TULP3: variants seen among roughly 807,000 people sequenced by gnomAD.
TULP3 encodes the protein TUB like protein 3, also known as tubby-related protein 3.
Under a neutral mutation model 50.7 loss-of-function variants are expected in TULP3, and 38 were observed. That is an observed-to-expected ratio of 0.75 (90% CI 0.58 to 0.98). The LOEUF (loss-of-function observed/expected upper bound fraction) is 0.98. Ranked by LOEUF, TULP3 falls within the 50% of genes least tolerant of loss-of-function variation. The probability of loss-of-function intolerance (pLI) is 0.00; values close to 1 mark genes in which losing one functional copy is unlikely to be tolerated. For synonymous variants in TULP3, 183 were observed against 196.6 expected, an observed-to-expected ratio of 0.93 and a Z score of 0.58; for missense variants, 550 against 568.0, an observed-to-expected ratio of 0.97 and a Z score of 0.32.
intron 4 of TULP3, 143 bp from the exon 5 acceptor site, chr12:2,930,105 G>GT (rs1399441301): frequency 3.2e-5 from 19 of 603,116 alleles, no homozygotes. Context: ...GAATTTGCCT[G>GT]TTTTATGTAT....
intron 2 of TULP3, among the ~76,000 whole-genome samples, chr12:2,913,497 C>G (rs577627617): frequency 1.3e-5 from 2 of 152,090 alleles, no homozygotes; most frequent in Non-Finnish European, 2.9e-5. Flanking sequence ...CTTGTGACTT[C>G]AAGTGATCCT....
chr12:2,926,536 C>CAA (rs1429390312), intron 4 of TULP3, among the ~76,000 whole-genome samples: 30 of 152,134 alleles, frequency 2.0e-4, no homozygotes, highest in Non-Finnish European at 2.9e-5. Flanking sequence ...GTGTCCTTTG[C>CAA]AAAGCAAATA....
intron 2 of TULP3, among the ~76,000 whole-genome samples, chr12:2,914,773 G>C (rs1591529440): frequency 6.6e-6 from 1 of 150,874 alleles, no homozygotes; most frequent in South Asian, 2.1e-4. Flanking sequence ...GCTGGGATTA[G>C]AGGAGTGCAC....
At position 2,940,278 on chromosome 12, in the gene TULP3, G is replaced by A. The variant is rs1017755066; in HGVS notation, c.*834G>A. On this transcript the variant is annotated 3_prime_UTR_variant, in exon 11 of 11. Coordinates refer to ENST00000448120, the MANE Select transcript of TULP3 (RefSeq NM_003324.5). The stretch of plus-strand genomic sequence containing the variant: ...TGTAGGCATCCTGTGCAAACACTTT[G>A]TCATTATCAAGAGAGATGGCAGTAT... 2 of 1,409,592 alleles carry A rather than the reference G, an allele frequency of 1.4e-6. No individual in the cohort carries two copies. The highest frequency in any genetic ancestry group is 1.5e-5 in the African/African-American group (1 of 68,696). 87.3% of individuals were successfully genotyped at this position (1,409,592 alleles called of 1,614,324 possible).
chr12:2,940,750 G>A lies in TULP3; in HGVS notation c.*1306G>A. The A allele has an allele frequency of 6.5e-7, 1 of 1,537,142 alleles. No individual in the cohort carries two copies. The highest frequency in any genetic ancestry group is 2.0e-5 in the Admixed American group (1 of 50,000). On this transcript the variant is annotated 3_prime_UTR_variant, in exon 11 of 11. Coordinates refer to ENST00000448120, the MANE Select transcript of TULP3 (RefSeq NM_003324.5). ...GAAGGAGGGCCAACTGGCAGCTGCG[G>A]GACCCTTGGCTTGTCCCCCACCGAC... is the stretch of plus-strand genomic sequence containing the variant.
intron 8 of TULP3, among the ~76,000 whole-genome samples, chr12:2,937,055 G>A (rs1197771953): frequency 6.6e-6 from 1 of 151,208 alleles, no homozygotes; most frequent in African/African-American, 2.4e-5. Context: ...GCAGTGAGCT[G>A]AGATTGTGCC....
At chr12:2,929,274 G>A (rs1378596660) in intron 4 of TULP3, among the ~76,000 whole-genome samples, 3 of 151,808 alleles carry the variant, frequency 2.0e-5, no homozygotes, top group Non-Finnish European at 4.4e-5. Context: ...TCGAGATCGC[G>A]CCACTGCGCT....
At chr12:2,899,161 C>T (rs551772867) in intron 1 of TULP3, among the ~76,000 whole-genome samples, 40 of 151,862 alleles carry the variant, frequency 2.6e-4, no homozygotes, top group Middle Eastern at 3.2e-3. Flanking sequence ...GCCTGACCAA[C>T]ATGGAGAAAC....
chr12:2,904,687 G>T (rs761437044), intron 1 of TULP3, among the ~76,000 whole-genome samples: 1 of 152,112 alleles, frequency 6.6e-6, no homozygotes, highest in East Asian at 1.9e-4. Context: ...AGAGGAAAAA[G>T]AATTACTCCA....
chr12:2,904,024 C>T (rs796310258), intron 1 of TULP3, among the ~76,000 whole-genome samples: 98 of 152,196 alleles, frequency 6.4e-4, no homozygotes, highest in African/African-American at 2.2e-3. Context: ...CCTCGTGATC[C>T]GCCCGCCTTG....
At chr12:2,929,135 G>A (rs910476276) in intron 4 of TULP3, among the ~76,000 whole-genome samples, 11 of 151,750 alleles carry the variant, frequency 7.2e-5, no homozygotes, top group African/African-American at 2.7e-4. Flanking sequence ...TGGCTGACAC[G>A]GTGAAACCCC....
chr12:2,909,874 A>G (rs1401897639), intron 2 of TULP3, among the ~76,000 whole-genome samples: 3 of 152,164 alleles, frequency 2.0e-5, no homozygotes, highest in Non-Finnish European at 4.4e-5. Flanking sequence ...TTAACATTGT[A>G]TTTCTGTGTA....
chr12:2,933,655 A>T, intron 7 of TULP3, 125 bp downstream of exon 7: 1 of 548,048 alleles, frequency 1.8e-6, no homozygotes, highest in Non-Finnish European at 3.0e-6. Context: ...AAAAAGAAAA[A>T]GGAAAAAAAA....
At chr12:2,892,073 CTGTCACCTT>C (rs1017857032) in intron 1 of TULP3, among the ~76,000 whole-genome samples, 1 of 125,652 alleles carries the variant, frequency 8.0e-6, no homozygotes, top group African/African-American at 3.3e-5. Context: ...CAGTGACATC[CTGTCACCTT>C]AAAAAAAAAA....
At chr12:2,930,670 G>A (rs940639818) in intron 5 of TULP3, among the ~76,000 whole-genome samples, 17 of 151,872 alleles carry the variant, frequency 1.1e-4, no homozygotes, top group South Asian at 2.1e-4. Flanking sequence ...TGATCCGCCC[G>A]CCTCAGCCTC....
At position 2,938,495 on chromosome 12, in the gene TULP3, A is replaced by G. The variant is rs2098202844; in HGVS notation, c.1195+210A>G. On this transcript the variant is annotated intron_variant, in intron 10 of 10. Transcript: ENST00000448120. ...GGGAGAGGAGTGTGAGAGAGATGCTATAGCAAATCAGAGAAGTTGGCTGGG... is the reference window on the plus strand; with the variant it reads ...GGGAGAGGAGTGTGAGAGAGATGCTGTAGCAAATCAGAGAAGTTGGCTGGG... Among the ~76,000 whole-genome samples, 4 of 152,294 alleles carry G rather than the reference A, an allele frequency of 2.6e-5. No individual in the cohort carries two copies. In the Middle Eastern group the frequency reaches 0.014, roughly 518 times the overall value.
intron 2 of TULP3, among the ~76,000 whole-genome samples, chr12:2,919,041 C>G (rs184080713): frequency 2.0e-5 from 3 of 152,086 alleles, no homozygotes; most frequent in Admixed American, 2.0e-4. Flanking sequence ...TACAGGCATG[C>G]GCCATGACGC....
At chr12:2,915,777 C>T (rs796821530) in intron 2 of TULP3, among the ~76,000 whole-genome samples, 1 of 152,010 alleles carries the variant, frequency 6.6e-6, no homozygotes, top group African/African-American at 2.4e-5. Flanking sequence ...ATCCTTTGAC[C>T]TCGTGATCTG....
At position 2,940,387 on chromosome 12, in the gene TULP3, G is replaced by A; in HGVS notation, c.*943G>A. ...GGATCAGCCAGCAGACATGAGCACT[G>A]CTGGCCCGTGTGGCAGAGCTGTGGA... On this transcript the variant is annotated 3_prime_UTR_variant, in exon 11 of 11. Transcript: ENST00000448120. 2.7e-6 allele frequency: 4 copies of A among 1,458,580 alleles called. No individual in the cohort carries two copies. Among genetic ancestry groups the A allele is most frequent in the Admixed American group, 2.6e-5 (1 of 39,142 alleles). The allele number at this position is 1,458,580 out of a possible 1,614,324, so 90.4% of individuals were successfully genotyped here. A position where few individuals can be genotyped will look rare whatever the true frequency, so the allele number is the denominator to read the frequency against.
Sources: allele counts gnomAD v4.1 joint callset (sites outside exome capture counted in the v4.1 genomes callset), GRCh38; gene constraint gnomAD v4.1.1; transcripts MANE v1.5; gene names NCBI Gene and HGNC (gene_info 2026-07-23, HGNC 2026-07-21).